MYBPC1: variants seen among roughly 807,000 people sequenced by gnomAD.
The protein encoded by MYBPC1 is myosin-binding protein C, slow-type.
Under a neutral mutation model 147.1 loss-of-function variants are expected in MYBPC1, and 52 were observed. The observed-to-expected ratio is 0.35, with a 90% CI of 0.28 to 0.45. MYBPC1 has a LOEUF of 0.45. MYBPC1 is among the 20% of genes least tolerant of loss of function. MYBPC1 has a pLI of 1.00. For missense variants in MYBPC1, 1,228 were observed against 1,440.3 expected (o/e 0.85, Z 2.39); for synonymous variants, 477 against 475.9 (o/e 1.00, Z -0.03).
intron 18 of MYBPC1, among the ~76,000 whole-genome samples, chr12:101,659,422 G>T (rs994971067): frequency 2.8e-4 from 43 of 152,150 alleles, no homozygotes; most frequent in Non-Finnish European, 5.7e-4. Flanking sequence ...TGAGCAAGAT[G>T]AGTCTCAGTT....
chr12:101,692,369 G>T, the MYBPC1 span, among the ~76,000 whole-genome samples: 2 of 152,124 alleles, frequency 1.3e-5, no homozygotes, highest in Non-Finnish European at 2.9e-5. Flanking sequence ...ATTGACAAAA[G>T]TACCCACTAA....
chr12:101,601,700 A>G (rs1697486), intron 1 of MYBPC1, among the ~76,000 whole-genome samples: 82,547 of 152,030 alleles, frequency 0.54, 24,223 homozygotes, highest in African/African-American at 0.77. Flanking sequence ...TAATATGTCA[A>G]ATGTTAGATC....
chr12:101,646,637 T>C, intron 12 of MYBPC1, 126 bp from the exon 13 acceptor site: 1 of 1,106,872 alleles, frequency 9.0e-7, no homozygotes, highest in African/African-American at 1.6e-5. Flanking sequence ...AGACCCTGTC[T>C]CAAAAAAAAA....
chr12:101,657,456 C>G (rs1050966734), intron 18 of MYBPC1, among the ~76,000 whole-genome samples: 1 of 152,102 alleles, frequency 6.6e-6, no homozygotes, highest in African/African-American at 2.4e-5. Context: ...ACCCTCTAGC[C>G]GGGCTAAGTA....
chr12:101,650,936 G>A, intron 15 of MYBPC1: 1 of 408,768 alleles, frequency 2.4e-6, no homozygotes, highest in South Asian at 2.1e-5. Context: ...TATATCACAT[G>A]GATGAACTGA....
At chr12:101,671,323 ACACACACACACACACT>A (rs1254264747) in intron 24 of MYBPC1, among the ~76,000 whole-genome samples, 2 of 90,950 alleles carry the variant, frequency 2.2e-5, no homozygotes, top group Non-Finnish European at 5.3e-5. Context: ...ACACACACAC[ACACACACACACACACT>A]CACACACACA....
At chr12:101,657,382 A>C (rs1048976599) in intron 18 of MYBPC1, among the ~76,000 whole-genome samples, 1 of 152,212 alleles carries the variant, frequency 6.6e-6, no homozygotes, top group African/African-American at 2.4e-5. Context: ...ATGAAATTGA[A>C]AACTGGAAAT....
chr12:101,623,883 T>A (rs1887982028), intron 3 of MYBPC1, among the ~76,000 whole-genome samples: 1 of 152,216 alleles, frequency 6.6e-6, no homozygotes. Context: ...AATAACGGAA[T>A]TCTTCTAATA....
chr12:101,670,222 A>G lies in MYBPC1; in HGVS notation c.2525-99A>G, dbSNP rs190674676. ...TCAGAGTTTATTGCAGAGATATGCCACAAGGGTACGCTGGTGAGCATCATG... is the reference window on the plus strand; with the variant it reads ...TCAGAGTTTATTGCAGAGATATGCCGCAAGGGTACGCTGGTGAGCATCATG... On this transcript the variant is annotated intron_variant, in intron 23 of 31. Coordinates refer to ENST00000361466, the MANE Select transcript of MYBPC1 (RefSeq NM_002465.4). 9.7e-5 allele frequency: 90 copies of G among 930,378 alleles called. No homozygotes were observed. The East Asian group carries it at 2.1e-3, about 21-fold the overall frequency. 57.6% of individuals were successfully genotyped at this position (930,378 alleles called of 1,614,324 possible).
intron 28 of MYBPC1, among the ~76,000 whole-genome samples, chr12:101,678,787 T>A (rs968721822): frequency 2.0e-5 from 3 of 152,184 alleles, no homozygotes; most frequent in African/African-American, 7.2e-5. Flanking sequence ...GATGTACATA[T>A]CCCTGGGTGC....
rs750133369 is a variant in MYBPC1, at chr12:101,659,720, A to G, written c.1816A>G (p.Ser606Gly). 1.2e-6 allele frequency: 2 copies of G among 1,614,164 alleles called. No individual in the cohort carries two copies. The highest frequency in any genetic ancestry group is 8.5e-7 in the Non-Finnish European group (1 of 1,180,004). The stretch of plus-strand genomic sequence containing the variant: ...GATAAGAACAGAATCTTACCCTGAT[A>G]GCAGCACTCTGGTCATTGATATAGC... ...GRIRTESYPD[S>G]STLVIDIAER... The change falls in exon 19 of 32, where the codon AGC (serine) becomes GGC (glycine). Residue 606 changes from serine to glycine, a missense_variant. Physicochemically the swap from Ser to Gly is moderately conservative, Grantham distance 56. This residue lies in a region of MYBPC1 where 1,077 missense variants were observed against 1,314.2 expected (regional missense o/e 0.82). Coordinates refer to ENST00000361466, the MANE Select transcript of MYBPC1 (RefSeq NM_002465.4).
intron 10 of MYBPC1, among the ~76,000 whole-genome samples, chr12:101,638,210 C>A (rs1281561980): frequency 6.6e-6 from 1 of 152,210 alleles, no homozygotes; most frequent in Non-Finnish European, 1.5e-5. Flanking sequence ...GCTTTGTATT[C>A]TCCCTGCAAT....
chr12:101,681,554 TCA>T (rs1288201421), intron 29 of MYBPC1, among the ~76,000 whole-genome samples: 1 of 55,792 alleles, frequency 1.8e-5, no homozygotes, highest in Non-Finnish European at 3.3e-5. Context: ...AAAATAACTT[TCA>T]TATATATATA....
intron 10 of MYBPC1, among the ~76,000 whole-genome samples, chr12:101,637,746 T>C (rs1037855684): frequency 1.2e-4 from 19 of 152,150 alleles, no homozygotes; most frequent in African/African-American, 4.6e-4. Context: ...TTGTGTTTAT[T>C]CTCTGTTTAG....
chr12:101,600,854 A>G (rs73170771), intron 1 of MYBPC1, among the ~76,000 whole-genome samples: 2,668 of 152,336 alleles, frequency 0.018, 26 homozygotes, highest in Non-Finnish European at 0.029. Flanking sequence ...AAAGAACAGG[A>G]TTAAAGTTCT....
At chr12:101,693,027 A>T in the MYBPC1 span, among the ~76,000 whole-genome samples, 75,899 of 147,522 alleles carry the variant, frequency 0.51, 20,259 homozygotes, top group Admixed American at 0.61. Flanking sequence ...GCTCACTGCC[A>T]CCTCCGCCTC....
chr12:101,597,704 C>A (rs926254010), intron 1 of MYBPC1, among the ~76,000 whole-genome samples: 1 of 152,120 alleles, frequency 6.6e-6, no homozygotes, highest in South Asian at 2.1e-4. Flanking sequence ...TAAGGAGTAA[C>A]CACTTCCCAT....
intron 2 of MYBPC1, 31 bp from the exon 3 acceptor site, chr12:101,617,171 T>C (rs1565901403): frequency 1.2e-6 from 2 of 1,613,040 alleles, no homozygotes; most frequent in Non-Finnish European, 1.7e-6. Flanking sequence ...TTTAAGGCAC[T>C]TTAAAAAATA....
chr12:101,662,331 C>G (rs770411739), intron 20 of MYBPC1, 27 bp from the exon 21 acceptor site: 4 of 1,612,226 alleles, frequency 2.5e-6, no homozygotes, highest in Non-Finnish European at 3.4e-6. Flanking sequence ...AAGGAAAAAC[C>G]TTAGTTTTCA....
Sources: allele counts gnomAD v4.1 joint callset (sites outside exome capture counted in the v4.1 genomes callset), GRCh38; gene constraint gnomAD v4.1.1; regional missense constraint gnomAD v4.1.1; transcripts MANE v1.5; gene names NCBI Gene and HGNC (gene_info 2026-07-23, HGNC 2026-07-21).